Variants in SMCHD1 observed in about 807,000 individuals in gnomAD.
SMCHD1 encodes the protein structural maintenance of chromosomes flexible hinge domain-containing protein 1.
Under a neutral mutation model 254.7 loss-of-function variants are expected in SMCHD1, and 78 were observed. That is an observed-to-expected ratio of 0.31 (90% CI 0.26 to 0.37). The LOEUF (loss-of-function observed/expected upper bound fraction) is 0.37, where lower values mean the gene tolerates loss of function less well. SMCHD1 is among the 10% of genes least tolerant of loss of function. The pLI is 1.00. For synonymous variants in SMCHD1, 766 were observed against 794.9 expected, an observed-to-expected ratio of 0.96 and a Z score of 0.61; for missense variants, 1,840 against 2,408.1, an observed-to-expected ratio of 0.76 and a Z score of 4.94.
chr18:2,771,669 A>C lies in SMCHD1; in HGVS notation c.5052+51A>C, dbSNP rs1393209896. ...GATTTTTTATTAAAGTCTATTCTAC[A>C]ATTTTCTCAATTATTCAGTTTTTAT... On this transcript the variant is annotated intron_variant, in intron 40 of 47. Coordinates refer to ENST00000320876, the MANE Select transcript of SMCHD1 (RefSeq NM_015295.3). 10 of 1,345,618 alleles carry C rather than the reference A, an allele frequency of 7.4e-6. No individual in the cohort carries two copies. The Admixed American group carries it at 2.5e-4, about 33-fold the overall frequency. The allele number at this position is 1,345,618 out of a possible 1,614,324, so 83.4% of individuals were successfully genotyped here.
At position 2,729,291 on chromosome 18, in the gene SMCHD1, A is replaced by T. The variant is rs1375180513; in HGVS notation, c.2930A>T (p.Asn977Ile). The change falls in exon 24 of 48, where the codon AAC (asparagine) becomes ATC (isoleucine). Residue 977 changes from asparagine (N) to isoleucine (I), a missense_variant. Transcript: ENST00000320876. ...IVHCKFSGAP[N>I]LPVYVVDCSS... is the part of the protein sequence containing the mutation. ...TTCAAATAGTTTTCAGGTGCTCCAAACCTTCCAGTCTATGTTGTAGATTGC... is the reference window on the plus strand; with the variant it reads ...TTCAAATAGTTTTCAGGTGCTCCAATCCTTCCAGTCTATGTTGTAGATTGC... The T allele has an allele frequency of 6.7e-7, 1 of 1,501,494 alleles. No individual in the cohort carries two copies. Among genetic ancestry groups the T allele is most frequent in the East Asian group, 2.4e-5 (1 of 41,066 alleles). The allele number at this position is 1,501,494 out of a possible 1,614,324, so 93.0% of individuals were successfully genotyped here. A position where few individuals can be genotyped will look rare whatever the true frequency, so the allele number is the denominator to read the frequency against.
intron 5 of SMCHD1, 80 bp downstream of exon 5, chr18:2,674,225 C>A: frequency 8.7e-7 from 1 of 1,155,620 alleles, no homozygotes; most frequent in South Asian, 1.7e-5. Flanking sequence ...CCTTTGGATG[C>A]ATATGATACA....
chr18:2,678,855 G>GTTTTT (rs869076850), intron 5 of SMCHD1, among the ~76,000 whole-genome samples: 1 of 28,236 alleles, frequency 3.5e-5, no homozygotes, highest in African/African-American at 5.0e-5. Context: ...TTGTTTTTTT[G>GTTTTT]TTTTTTTTTT....
intron 31 of SMCHD1, 55 bp downstream of exon 31, chr18:2,750,177 T>C (rs2075544599): frequency 3.3e-6 from 5 of 1,513,452 alleles, no homozygotes; most frequent in Non-Finnish European, 4.5e-6. Flanking sequence ...TTTTTCTTAC[T>C]GCTTGCCGAA....
At position 2,655,816 on chromosome 18, in the gene SMCHD1, G is replaced by C. The variant is rs2073034666; in HGVS notation, c.-260G>C. On this transcript the variant is annotated 5_prime_UTR_variant, in exon 1 of 48. Transcript: ENST00000320876. The stretch of plus-strand genomic sequence containing the variant: ...TGGGCCCGGGCCCGGTGAGGAGCGC[G>C]CCGCGCGTCCCCTTCTCCTCAGGAG... The C allele has an allele frequency of 3.1e-6, 1 of 322,530 alleles. No homozygotes were observed. Among genetic ancestry groups the C allele is most frequent in the Non-Finnish European group, 5.6e-6 (1 of 177,546 alleles). 20.0% of individuals were successfully genotyped at this position (322,530 alleles called of 1,614,324 possible).
intron 37 of SMCHD1, 27 bp downstream of exon 37, chr18:2,763,816 T>C: frequency 6.3e-7 from 1 of 1,596,782 alleles, no homozygotes; most frequent in Non-Finnish European, 8.5e-7. Context: ...TTTTGGTAGA[T>C]AGAATTTCTG....
In SMCHD1 at chr18:2,751,289, A is replaced by G; in HGVS notation, c.4177A>G (p.Ser1393Gly). 6.5e-7 allele frequency: 1 copy of G among 1,542,528 alleles called. No individual in the cohort carries two copies. Among genetic ancestry groups the G allele is most frequent in the Admixed American group, 2.0e-5 (1 of 50,038 alleles). The change falls in exon 33 of 48, where the codon AGT becomes GGT. Residue 1393 changes from serine to glycine, a missense_variant. Coordinates refer to ENST00000320876, the MANE Select transcript of SMCHD1 (RefSeq NM_015295.3). ...AGGLFTDFMI[S>G]VISEDDSIIK... The stretch of plus-strand genomic sequence containing the variant: ...GTTTACCATGACAGATTTTATGATT[A>G]GTGTTATTTCTGAAGATGACAGTAT...
chr18:2,683,479 G>C (rs1279409954), intron 5 of SMCHD1, among the ~76,000 whole-genome samples: 1 of 152,164 alleles, frequency 6.6e-6, no homozygotes, highest in African/African-American at 2.4e-5. Flanking sequence ...GATAGCTAGA[G>C]AATGTACTCT....
intron 5 of SMCHD1, among the ~76,000 whole-genome samples, chr18:2,686,134 C>G (rs1393711718): frequency 3.9e-5 from 6 of 152,108 alleles, no homozygotes; most frequent in African/African-American, 1.4e-4. Flanking sequence ...CTCTTCCCCC[C>G]AAACCCCAAA....
At position 2,686,400 on chromosome 18, in the gene SMCHD1, C is replaced by T. The variant is rs115046475; in HGVS notation, c.639-1994C>T. Among the ~76,000 whole-genome samples the T allele has an allele frequency of 8.8e-3, 1,337 of 152,166 alleles. 22 individuals are homozygous for T. The highest frequency in any genetic ancestry group is 0.03 in the African/African-American group (1,265 of 41,504). ...TCAGAAATCTGAAATACTTTTGGTC[C>T]GAAGCATTTTGGATAAGGGGCACTC... On this transcript the variant is annotated intron_variant, in intron 5 of 47. Transcript: ENST00000320876.
chr18:2,733,597 G>T (rs2075186586), intron 25 of SMCHD1, among the ~76,000 whole-genome samples: 1 of 152,316 alleles, frequency 6.6e-6, no homozygotes, highest in Non-Finnish European at 1.5e-5. Flanking sequence ...ACTTGGTTCA[G>T]CTGGGTACAG....
chr18:2,739,283 G>T lies in SMCHD1; in HGVS notation c.3426-149G>T, dbSNP rs143872826. 5.3e-4 allele frequency: 345 copies of T among 650,914 alleles called. 1 individual carries two copies. In the African/African-American group the frequency reaches 5.4e-3, roughly 10 times the overall value. The allele number at this position is 650,914 out of a possible 1,614,324, so 40.3% of individuals were successfully genotyped here. On this transcript the variant is annotated intron_variant, in intron 26 of 47. Coordinates refer to ENST00000320876, the MANE Select transcript of SMCHD1 (RefSeq NM_015295.3). ...CCTATTTTCTTTTGGATTAATAGCA[G>T]ATTATATAAATTAAACAGTTATTTG...
intron 45 of SMCHD1, among the ~76,000 whole-genome samples, chr18:2,794,934 C>A (rs1365046578): frequency 2.0e-5 from 3 of 151,874 alleles, no homozygotes; most frequent in African/African-American, 7.3e-5. Context: ...TTTCCCAGGT[C>A]ATTAATTTGA....
intron 1 of SMCHD1, among the ~76,000 whole-genome samples, chr18:2,656,750 TCCC>T (rs2073073054): frequency 6.6e-6 from 1 of 152,154 alleles, no homozygotes; most frequent in Admixed American, 6.5e-5. Flanking sequence ...ATGCGGGGTG[TCCC>T]CGGGTTGCCC....
chr18:2,673,561 G>A (rs1211968155), intron 4 of SMCHD1, among the ~76,000 whole-genome samples, 198 bp downstream of exon 4: 1 of 151,460 alleles, frequency 6.6e-6, no homozygotes, highest in Admixed American at 6.6e-5. Flanking sequence ...TTGGTTTTTT[G>A]TAATCTTCTA....
intron 5 of SMCHD1, among the ~76,000 whole-genome samples, chr18:2,686,466 T>C (rs2074054445): frequency 6.6e-6 from 1 of 152,238 alleles, no homozygotes; most frequent in Admixed American, 6.5e-5. Context: ...TTCTACCAGC[T>C]TGCATCGTTT....
At chr18:2,748,282 G>A (rs531005018) in intron 30 of SMCHD1, among the ~76,000 whole-genome samples, 1 of 150,992 alleles carries the variant, frequency 6.6e-6, no homozygotes, top group Non-Finnish European at 1.5e-5. Flanking sequence ...CTAGTGGCTG[G>A]TGCAAAGTTG....
chr18:2,721,003 A>G (rs1489306782), intron 19 of SMCHD1, among the ~76,000 whole-genome samples: 1 of 152,064 alleles, frequency 6.6e-6, no homozygotes, highest in African/African-American at 2.4e-5. Context: ...TTTGCTGGGG[A>G]TGAGGAGGGT....
chr18:2,751,630 A>G (rs1439334048), intron 33 of SMCHD1, among the ~76,000 whole-genome samples: 1 of 152,144 alleles, frequency 6.6e-6, no homozygotes, highest in Non-Finnish European at 1.5e-5. Flanking sequence ...AGATGCCTAC[A>G]CATTAAAATT....
Sources: allele counts gnomAD v4.1 joint callset (sites outside exome capture counted in the v4.1 genomes callset), GRCh38; gene constraint gnomAD v4.1.1; transcripts MANE v1.5; gene names NCBI Gene and HGNC (gene_info 2026-07-23, HGNC 2026-07-21).